The following STAT2 variants were observed in gnomAD, a reference collection of about 807,000 sequenced individuals.
STAT2 encodes interferon alpha induced transcriptional activator.
STAT2 carries 51 observed loss-of-function variants against 122.3 expected under a neutral mutation model. The ratio of observed to expected loss-of-function variants is 0.42; its 90% CI spans 0.33 to 0.53. STAT2 has a LOEUF of 0.53. Among genes scored for constraint, STAT2 ranks in the 20% least tolerant of loss-of-function variants. The pLI is 0.10. For missense variants in STAT2, 736 were observed against 1,010.3 expected (o/e 0.73, Z 3.68); for synonymous variants, 351 against 394.9 (o/e 0.89, Z 1.32).
intron 1 of STAT2, among the ~76,000 whole-genome samples, chr12:56,358,231 C>CT (rs889276884): frequency 6.4e-4 from 90 of 140,778 alleles, no homozygotes; most frequent in Non-Finnish European, 1.0e-3. Flanking sequence ...GGCTCTGAAG[C>CT]TTTTTTTTTT....
chr12:56,343,888 G>T lies in STAT2; in HGVS notation c.2350C>A (p.Gln784Lys), dbSNP rs1322880921. 5 of 1,614,148 alleles carry T rather than the reference G, an allele frequency of 3.1e-6. No individual in the cohort carries two copies. The highest frequency in any genetic ancestry group is 4.2e-6 in the Non-Finnish European group (5 of 1,180,014). Residue 784 changes from glutamine to lysine, a missense_variant, in exon 23 of 24, where the codon CAG becomes AAG. Physicochemically the swap from Gln to Lys is moderately conservative, Grantham distance 53. Coordinates refer to ENST00000314128, the MANE Select transcript of STAT2 (RefSeq NM_005419.4). ...GGCAAATCTGGCTCTGGCACTGGCT[G>T]TGATACAGGTCCTTGGTCTGGCTCT... ...VPEPDQGPVSQPVPEPDLPCD... is the reference protein window; with the variant it reads ...VPEPDQGPVSKPVPEPDLPCD...
chr12:56,352,267 G>A (rs903632455), intron 8 of STAT2: 1 of 150,956 alleles, frequency 6.6e-6, no homozygotes, highest in African/African-American at 2.4e-5. Context: ...TCAGCAATGT[G>A]GTGACAGGAA....
chr12:56,352,471 C>T (rs1363416311), intron 8 of STAT2: 1 of 150,622 alleles, frequency 6.6e-6, no homozygotes, highest in African/African-American at 2.4e-5. Context: ...TTTAAAAAGC[C>T]TCGCCAGCTG....
intron 23 of STAT2, 22 bp downstream of exon 23, chr12:56,343,803 A>C (rs758558899): frequency 6.2e-7 from 1 of 1,612,124 alleles, no homozygotes. Flanking sequence ...GCCATCTTCC[A>C]TAGCTCCATC....
At chr12:56,355,376 G>T (rs1177622754) in intron 5 of STAT2, 25 bp from the exon 6 acceptor site, 2 of 1,614,012 alleles carry the variant, frequency 1.2e-6, no homozygotes, top group Admixed American at 1.7e-5. Context: ...GGACCCCGAT[G>T]AGGCTGCTTC....
At chr12:56,354,016 A>AAAAAAAAAATATATATAT (rs71081350) in intron 8 of STAT2, among the ~76,000 whole-genome samples, 1 of 16,678 alleles carries the variant, frequency 6.0e-5, no homozygotes, top group African/African-American at 1.1e-4. Flanking sequence ...AAAAAAAAAA[A>AAAAAAAAAATATATATAT]ATATATATAT....
Position 56,349,600 on chromosome 12 carries a change from C to T in STAT2, c.1246G>A (p.Gly416Ser). The stretch of plus-strand genomic sequence containing the variant: ...TGTCCAGATCTCACCTTATTGCTGC[C>T]CTTTCCTGAACCACCTGAACGTTGC... ...VEQRSGGSGK[G>S]SNKGPLGVTE... Residue 416 changes from glycine (G) to serine (S), a missense_variant, in exon 14 of 24, where the codon GGC becomes AGC. Coordinates refer to ENST00000314128, the MANE Select transcript of STAT2 (RefSeq NM_005419.4). 1 of 1,614,200 alleles carries T rather than the reference C, an allele frequency of 6.2e-7. No homozygotes were observed. The highest frequency in any genetic ancestry group is 8.5e-7 in the Non-Finnish European group (1 of 1,180,036).
At chr12:56,350,492 C>T (rs11575234) in intron 11 of STAT2, 60 bp from the exon 12 acceptor site, 27 of 1,509,522 alleles carry the variant, frequency 1.8e-5, no homozygotes, top group Admixed American at 8.5e-5. Context: ...TTAGGAGTTT[C>T]GTCTTTGGGA....
At chr12:56,353,927 T>G (rs1378119928) in intron 8 of STAT2, among the ~76,000 whole-genome samples, 2 of 138,716 alleles carry the variant, frequency 1.4e-5, no homozygotes, top group Non-Finnish European at 3.1e-5. Context: ...ACCTGGGAGT[T>G]GGAAGTTGCA....
In STAT2 at chr12:56,351,198, G is replaced by T. The variant is rs763951407; in HGVS notation, c.942-8C>A. 1.1e-5 allele frequency: 17 copies of T among 1,613,236 alleles called. No individual in the cohort carries two copies. The highest frequency in any genetic ancestry group is 1.4e-5 in the Non-Finnish European group (17 of 1,179,496). On this transcript the variant is annotated splice_polypyrimidine_tract_variant and splice_region_variant and intron_variant, in intron 9 of 23. Coordinates refer to ENST00000314128, the MANE Select transcript of STAT2 (RefSeq NM_005419.4). Reference sequence around the variant, plus strand: ...GTTTCTACCACAAAGGCTCTGAGGAGAGAGAGGTGTGGAGAGAATATATAG... The same window carrying T: ...GTTTCTACCACAAAGGCTCTGAGGATAGAGAGGTGTGGAGAGAATATATAG...
At chr12:56,355,419 C>G (rs1157613907) in intron 5 of STAT2, 24 bp downstream of exon 5, 1 of 1,614,036 alleles carries the variant, frequency 6.2e-7, no homozygotes, top group Admixed American at 1.7e-5. Context: ...GCTGTCAACC[C>G]TAACTCCTAC....
Position 56,348,912 on chromosome 12 carries a change from G to A in STAT2, c.1576+12C>T. On this transcript the variant is annotated intron_variant, in intron 17 of 23. Coordinates refer to ENST00000314128, the MANE Select transcript of STAT2 (RefSeq NM_005419.4). ...AGGCTGGGGAAAGGCTGAGAGAAAAGGAAATCTGTACCGAACAGCTTGTTT... is the reference window on the plus strand; with the variant it reads ...AGGCTGGGGAAAGGCTGAGAGAAAAAGAAATCTGTACCGAACAGCTTGTTT... 1 of 1,613,186 alleles carries A rather than the reference G, an allele frequency of 6.2e-7. No homozygotes were observed. Among genetic ancestry groups the A allele is most frequent in the East Asian group, 2.2e-5 (1 of 44,874 alleles).
At chr12:56,348,084 GTTGT>G (rs1877787453) in intron 19 of STAT2, among the ~76,000 whole-genome samples, 1 of 141,112 alleles carries the variant, frequency 7.1e-6, no homozygotes, top group Non-Finnish European at 1.6e-5. Flanking sequence ...GCTATTATTG[GTTGT>G]TTTTTTTTTT....
Position 56,356,121 on chromosome 12 carries a change from G to A in STAT2, c.285+11C>T, listed in dbSNP as rs138679917. ...CAGTGCTACCCCATCACTCCCAACCGTTCCAAGTACCTGAATGTCCCGGCA... is the reference window on the plus strand; with the variant it reads ...CAGTGCTACCCCATCACTCCCAACCATTCCAAGTACCTGAATGTCCCGGCA... On this transcript the variant is annotated intron_variant, in intron 3 of 23. Transcript: ENST00000314128. 11 of 1,612,308 alleles carry A rather than the reference G, an allele frequency of 6.8e-6. No homozygotes were observed. The Admixed American group carries it at 8.3e-5, about 12-fold the overall frequency.
intron 1 of STAT2, 109 bp downstream of exon 1, chr12:56,359,949 G>C (rs1258833763): frequency 2.8e-6 from 2 of 715,262 alleles, no homozygotes; most frequent in Non-Finnish European, 3.4e-6. Context: ...TCTGGGGACC[G>C]AAGCTACCCT....
rs1879329118 is a variant in STAT2 at position 56,355,267 on chromosome 12, G to A, written c.547+9C>T. 6.2e-7 allele frequency: 1 copy of A among 1,614,094 alleles called. No homozygotes were observed. Among genetic ancestry groups the A allele is most frequent in the East Asian group, 2.2e-5 (1 of 44,878 alleles). On this transcript the variant is annotated intron_variant, in intron 6 of 23. Transcript: ENST00000314128. ...TTATCTTTCTCCAGCCCCTCAATGT[G>A]CTTCCTACCTTTGGCCTGGATCTTA...
chr12:56,349,484 A>G lies in STAT2; in HGVS notation c.1283T>C (p.Leu428Pro), dbSNP rs926581293. 1.2e-6 allele frequency: 2 copies of G among 1,614,074 alleles called. No homozygotes were observed. The highest frequency in any genetic ancestry group is 1.7e-6 in the Non-Finnish European group (2 of 1,180,040). Residue 428 changes from leucine (L) to proline (P), a missense_variant, in exon 15 of 24, where the codon CTG (leucine) becomes CCG (proline). Physicochemically the swap from Leu to Pro is moderately conservative, Grantham distance 98. Transcript: ENST00000314128. Reference sequence around the variant, plus strand: ...TTTGACCGTGAAGCTGATGATGTGCAGTTCCTCTGTCACACCTAGTGGCCC... The same window carrying G: ...TTTGACCGTGAAGCTGATGATGTGCGGTTCCTCTGTCACACCTAGTGGCCC... ...NKGPLGVTEE[L>P]HIISFTVKYT...
Position 56,343,471 on chromosome 12 carries a change from C to A in STAT2, c.2474G>T (p.Gly825Val). Reference sequence around the variant, plus strand: ...GTAAACCTCATCCACGGTGTTCTGGCCAGCCAACAGTGGGTCACCATTCGG... The same window carrying A: ...GTAAACCTCATCCACGGTGTTCTGGACAGCCAACAGTGGGTCACCATTCGG... The part of the protein sequence containing the change: ...IMPNGDPLLA[G>V]QNTVDEVYVS... The change falls in exon 24 of 24, where the codon GGC becomes GTC. Residue 825 changes from glycine (G) to valine (V), a missense_variant. Transcript: ENST00000314128. The A allele has an allele frequency of 6.2e-7, 1 of 1,614,122 alleles. No individual in the cohort carries two copies. The highest frequency in any genetic ancestry group is 8.5e-7 in the Non-Finnish European group (1 of 1,180,024).
chr12:56,354,858 T>A lies in STAT2; in HGVS notation c.553A>T (p.Thr185Ser). The A allele has an allele frequency of 6.2e-7, 1 of 1,614,086 alleles. No individual in the cohort carries two copies. The highest frequency in any genetic ancestry group is 1.3e-5 in the African/African-American group (1 of 75,030). The change falls in exon 7 of 24, where the codon ACA (threonine) becomes TCA (serine). Residue 185 changes from threonine (T) to serine (S), a missense_variant. Coordinates refer to ENST00000314128, the MANE Select transcript of STAT2 (RefSeq NM_005419.4). ...GTCTGATGGGGGTCCAGAGAGGGTGTCTTCCCTGGATGGTGGGAACAGGAG... is the reference window on the plus strand; with the variant it reads ...GTCTGATGGGGGTCCAGAGAGGGTGACTTCCCTGGATGGTGGGAACAGGAG... ...FRYKIQAKGK[T>S]PSLDPHQTKE...
Sources: gnomAD v4.1 joint callset for allele counts (sites outside exome capture counted in the v4.1 genomes callset) on GRCh38, gnomAD v4.1.1 for gene constraint, MANE v1.5 for transcripts, NCBI Gene and HGNC (gene_info 2026-07-23, HGNC 2026-07-21) for gene names.